SRPK1: variants seen among roughly 807,000 people sequenced by gnomAD.
SRPK1 encodes the protein SFRS protein kinase 1.
Under a neutral mutation model 89.5 loss-of-function variants are expected in SRPK1, and 52 were observed. The ratio of observed to expected loss-of-function variants is 0.58; its 90% confidence interval spans 0.46 to 0.73. The LOEUF is 0.73. Among genes scored for constraint, SRPK1 ranks in the 30% least tolerant of loss-of-function variants. The pLI is 0.00. For synonymous variants in SRPK1, 255 were observed against 270.2 expected, an observed-to-expected ratio of 0.94 and a Z score of 0.55; for missense variants, 603 against 780.6, an observed-to-expected ratio of 0.77 and a Z score of 2.71.
At chr6:35,846,730 T>C (rs1215749017) in intron 13 of SRPK1, among the ~76,000 whole-genome samples, 2 of 151,930 alleles carry the variant, frequency 1.3e-5, no homozygotes, top group African/African-American at 4.8e-5. Flanking sequence ...CCTACAAAGA[T>C]TGAACCATGA....
Position 35,838,607 on chromosome 6 carries a change from C to G in SRPK1, c.1691-178G>C. The G allele has an allele frequency of 5.8e-6, 9 of 1,540,820 alleles. No individual in the cohort carries two copies. In the South Asian group the frequency reaches 1.0e-4, roughly 18 times the overall value. ...CTCTATCCATCTAATGGAGAATTCA[C>G]AAAGTCAAATTTTTGTGGATTCAGT... is the stretch of plus-strand genomic sequence containing the variant. On this transcript the variant is annotated intron_variant, in intron 14 of 15. Transcript: ENST00000373825.
intron 2 of SRPK1, among the ~76,000 whole-genome samples, chr6:35,916,321 T>C (rs933938790): frequency 2.0e-5 from 3 of 152,006 alleles, no homozygotes; most frequent in Non-Finnish European, 4.4e-5. Flanking sequence ...TGTCCTGACA[T>C]GGAACTATTT....
rs146165391 is a variant in SRPK1, at chr6:35,899,224, C to T, written c.75-8211G>A. Among the ~76,000 whole-genome samples the T allele has an allele frequency of 2.6e-3, 390 of 151,980 alleles. 3 individuals are homozygous for T. Among genetic ancestry groups the T allele is most frequent in the Non-Finnish European group, 5.0e-3 (339 of 67,932 alleles). On this transcript the variant is annotated intron_variant, in intron 2 of 15. Coordinates refer to ENST00000373825, the MANE Select transcript of SRPK1 (RefSeq NM_003137.5). Reference sequence around the variant, plus strand: ...AATTAGGCAACCACTATACTCCAAACAGATTTTTTTCCAATGGCCTACAAG... The same window carrying T: ...AATTAGGCAACCACTATACTCCAAATAGATTTTTTTCCAATGGCCTACAAG...
chr6:35,839,669 G>A (rs2859417), intron 14 of SRPK1, among the ~76,000 whole-genome samples: 149,385 of 149,426 alleles, frequency 1, 74,672 homozygotes, highest in Middle Eastern at 1. Context: ...GGTGACAGAA[G>A]TTAAGAATAT....
intron 2 of SRPK1, among the ~76,000 whole-genome samples, chr6:35,905,745 A>G (rs927511071): frequency 2.0e-5 from 3 of 152,254 alleles, no homozygotes; most frequent in African/African-American, 7.2e-5. Context: ...TGTAGGAAAA[A>G]GAAAATGAGC....
rs1769962278 is a variant in SRPK1 at position 35,868,705 on chromosome 6, G to C, written c.1512+305C>G. Among the ~76,000 whole-genome samples, 2 of 152,094 alleles carry C rather than the reference G, an allele frequency of 1.3e-5. 1 individual carries two copies. Among genetic ancestry groups the C allele is most frequent in the South Asian group, 4.1e-4 (2 of 4,826 alleles). On this transcript the variant is annotated intron_variant, in intron 12 of 15. Coordinates refer to ENST00000373825, the MANE Select transcript of SRPK1 (RefSeq NM_003137.5). ...GAACATAGGCACTGAGTGTCTGAAAGTTAATAATGATATATATATTAAAAA... is the reference window on the plus strand; with the variant it reads ...GAACATAGGCACTGAGTGTCTGAAACTTAATAATGATATATATATTAAAAA...
chr6:35,869,984 T>C, intron 10 of SRPK1, 83 bp from the exon 11 acceptor site: 1 of 1,418,488 alleles, frequency 7.0e-7, no homozygotes. Flanking sequence ...GATTAAAACA[T>C]TTTCTAGAAC....
chr6:35,881,982 A>C (rs184991191), intron 6 of SRPK1, among the ~76,000 whole-genome samples: 19 of 151,236 alleles, frequency 1.3e-4, no homozygotes, highest in Admixed American at 7.9e-4. Context: ...TGACTGCACA[A>C]TTTTATGTTA....
At chr6:35,903,992 C>T (rs1234335899) in intron 2 of SRPK1, among the ~76,000 whole-genome samples, 1 of 149,860 alleles carries the variant, frequency 6.7e-6, no homozygotes, top group Non-Finnish European at 1.5e-5. Flanking sequence ...TTTTTAAAGA[C>T]AGGGTCCCAC....
At chr6:35,845,058 T>A (rs1769396923) in intron 13 of SRPK1, among the ~76,000 whole-genome samples, 1 of 152,182 alleles carries the variant, frequency 6.6e-6, no homozygotes. Context: ...CTAAAAAGGC[T>A]ACATACTGTA....
At chr6:35,915,886 C>T (rs1158752383) in intron 2 of SRPK1, among the ~76,000 whole-genome samples, 1 of 150,352 alleles carries the variant, frequency 6.7e-6, no homozygotes. Context: ...GCAGGAGAAT[C>T]ACTTGAACCC....
In SRPK1 at chr6:35,869,121, C is replaced by A; in HGVS notation, c.1412-11G>T. 6.2e-7 allele frequency: 1 copy of A among 1,600,438 alleles called. No homozygotes were observed. The highest frequency in any genetic ancestry group is 8.6e-7 in the Non-Finnish European group (1 of 1,168,970). On this transcript the variant is annotated splice_polypyrimidine_tract_variant and intron_variant, in intron 11 of 15. Transcript: ENST00000373825. Reference sequence around the variant, plus strand: ...CAGCCGTGGATTTTCCTACAGACAACAGGCATCATCAATAAGACTGTTCAA... The same window carrying A: ...CAGCCGTGGATTTTCCTACAGACAAAAGGCATCATCAATAAGACTGTTCAA...
chr6:35,896,596 C>T (rs781086240), intron 2 of SRPK1, among the ~76,000 whole-genome samples: 1 of 152,100 alleles, frequency 6.6e-6, no homozygotes, highest in African/African-American at 2.4e-5. Context: ...TAGGTATTTA[C>T]CAAGAGATGA....
At chr6:35,869,377 CTGT>C in intron 11 of SRPK1, 102 bp downstream of exon 11, 1 of 1,352,180 alleles carries the variant, frequency 7.4e-7, no homozygotes, top group Non-Finnish European at 1.0e-6. Flanking sequence ...TTAGACACAC[CTGT>C]TGTAAAGCTA....
At chr6:35,888,273 C>G (rs1027003220) in intron 4 of SRPK1, among the ~76,000 whole-genome samples, 162 bp from the exon 5 acceptor site, 3 of 152,166 alleles carry the variant, frequency 2.0e-5, no homozygotes, top group Admixed American at 1.3e-4. Flanking sequence ...GTTAATGACA[C>G]TAACTGGCCA....
chr6:35,863,277 T>C (rs975328562), intron 12 of SRPK1, among the ~76,000 whole-genome samples: 1 of 151,566 alleles, frequency 6.6e-6, no homozygotes, highest in Non-Finnish European at 1.5e-5. Context: ...TGAAATATTC[T>C]AGTCAGATAA....
intron 2 of SRPK1, among the ~76,000 whole-genome samples, chr6:35,907,684 A>G (rs1251193676): frequency 6.6e-6 from 1 of 151,462 alleles, no homozygotes; most frequent in East Asian, 1.9e-4. Context: ...CAGCCTGGGC[A>G]ATGAGAACAA....
At chr6:35,882,130 G>C (rs900530857) in intron 6 of SRPK1, among the ~76,000 whole-genome samples, 7 of 132,202 alleles carry the variant, frequency 5.3e-5, no homozygotes, top group African/African-American at 9.6e-5. Context: ...AGTAGTAGTA[G>C]TAGTAGTAGT....
At chr6:35,912,841 T>A in intron 2 of SRPK1, among the ~76,000 whole-genome samples, 1 of 152,356 alleles carries the variant, frequency 6.6e-6, no homozygotes, top group East Asian at 1.9e-4. Context: ...TGGAGTGCAG[T>A]GGCATAATCA....
Sources: allele counts gnomAD v4.1 joint callset (sites outside exome capture counted in the v4.1 genomes callset), GRCh38; gene constraint gnomAD v4.1.1; transcripts MANE v1.5; gene names NCBI Gene and HGNC (gene_info 2026-07-23, HGNC 2026-07-21).